The following ANO3 variants were observed in gnomAD, a reference collection of about 807,000 sequenced individuals.
The protein encoded by ANO3 is anoctamin-3.
Under a neutral mutation model 144.8 loss-of-function variants are expected in ANO3, and 99 were observed. The ratio of observed to expected loss-of-function variants is 0.68; its 90% CI spans 0.58 to 0.81. ANO3 has a LOEUF of 0.81. Among genes scored for constraint, ANO3 ranks in the 30% least tolerant of loss-of-function variants. ANO3 has a pLI of 0.00. For missense variants in ANO3, 905 were observed against 1,202.2 expected (o/e 0.75, Z 3.66); for synonymous variants, 414 against 392.6 (o/e 1.05, Z -0.64).
At chr11:26,581,356 T>TATA (rs1851125532) in intron 14 of ANO3, among the ~76,000 whole-genome samples, 1 of 151,432 alleles carries the variant, frequency 6.6e-6, no homozygotes, top group African/African-American at 2.4e-5. Flanking sequence ...TACATAAGTT[T>TATA]AGGATTAAAT....
At chr11:26,494,816 A>G (rs1262141023) in intron 4 of ANO3, among the ~76,000 whole-genome samples, 1 of 152,150 alleles carries the variant, frequency 6.6e-6, no homozygotes, top group African/African-American at 2.4e-5. Flanking sequence ...GAGCTCCAGG[A>G]GATCTATGAA....
At chr11:26,449,827 G>T (rs990241723) in intron 3 of ANO3, among the ~76,000 whole-genome samples, 1 of 151,812 alleles carries the variant, frequency 6.6e-6, no homozygotes, top group Non-Finnish European at 1.5e-5. Context: ...CACGATCTCG[G>T]CTCACTGCAA....
At chr11:26,459,074 A>T (rs1488435253) in intron 3 of ANO3, among the ~76,000 whole-genome samples, 1 of 152,134 alleles carries the variant, frequency 6.6e-6, no homozygotes. Flanking sequence ...ATCTGCAGAG[A>T]GACAAGCAAG....
intron 11 of ANO3, among the ~76,000 whole-genome samples, chr11:26,544,271 T>C (rs202067109): frequency 0.043 from 3,197 of 74,654 alleles, 169 homozygotes; most frequent in Admixed American, 0.12. Flanking sequence ...TATATATATA[T>C]ATACACACAT....
In ANO3 at chr11:26,661,995, T is replaced by C. The variant is rs1422623854; in HGVS notation, c.*1551T>C. 6.6e-6 allele frequency: 1 copy of C among 152,102 alleles called. No homozygotes were observed. The highest frequency in any genetic ancestry group is 1.5e-5 in the Non-Finnish European group (1 of 67,992). The allele number at this position is 152,102 out of a possible 1,614,324, so 9.4% of individuals were successfully genotyped here. ...AAGCAAAGCACCATTATTTCTAACA[T>C]ATAAAAGACCAGATCAAACACAATG... On this transcript the variant is annotated 3_prime_UTR_variant, in exon 27 of 27. Coordinates refer to ENST00000256737, the MANE Select transcript of ANO3 (RefSeq NM_031418.4).
At chr11:26,404,753 T>C (rs147237193) in intron 1 of ANO3, among the ~76,000 whole-genome samples, 1 of 151,760 alleles carries the variant, frequency 6.6e-6, no homozygotes, top group African/African-American at 2.4e-5. Flanking sequence ...GAGATAAAAA[T>C]CTATGTGGAG....
chr11:26,212,339 G>A (rs955312188), intron 1 of ANO3, among the ~76,000 whole-genome samples: 5 of 151,174 alleles, frequency 3.3e-5, no homozygotes, highest in African/African-American at 9.7e-5. Flanking sequence ...AAAAATCAAC[G>A]AATCCAGGAG....
intron 1 of ANO3, among the ~76,000 whole-genome samples, chr11:26,244,159 G>A (rs147682789): frequency 4.8e-5 from 7 of 144,996 alleles, no homozygotes; most frequent in Non-Finnish European, 7.6e-5. Context: ...GAAAAGAAAA[G>A]AAAAAATGAG....
intron 23 of ANO3, among the ~76,000 whole-genome samples, chr11:26,646,425 G>A (rs1337535615): frequency 6.6e-6 from 1 of 151,924 alleles, no homozygotes; most frequent in African/African-American, 2.4e-5. Flanking sequence ...CCAATAAGTA[G>A]GATTAAAATG....
intron 1 of ANO3, among the ~76,000 whole-genome samples, chr11:26,388,419 A>G (rs1187268547): frequency 6.6e-6 from 1 of 152,164 alleles, no homozygotes; most frequent in Non-Finnish European, 1.5e-5. Context: ...CACACAAAAT[A>G]GTTGGTATCA....
At chr11:26,589,996 G>A (rs1851397272) in intron 14 of ANO3, among the ~76,000 whole-genome samples, 2 of 152,302 alleles carry the variant, frequency 1.3e-5, no homozygotes, top group South Asian at 4.1e-4. Flanking sequence ...GCTGATAAGA[G>A]GATCTATAGA....
intron 3 of ANO3, among the ~76,000 whole-genome samples, chr11:26,461,932 C>G (rs936495699): frequency 1.1e-4 from 16 of 151,926 alleles, no homozygotes; most frequent in Admixed American, 3.3e-4. Context: ...GTTAATAGGT[C>G]TAAGTGTAAC....
chr11:26,616,799 G>A (rs1186170752), intron 17 of ANO3, among the ~76,000 whole-genome samples: 6 of 152,062 alleles, frequency 3.9e-5, no homozygotes, highest in Admixed American at 3.9e-4. Context: ...TTGAGATGGA[G>A]TCTCTCTCTG....
At chr11:26,382,669 G>A (rs940399392) in intron 1 of ANO3, among the ~76,000 whole-genome samples, 2 of 151,978 alleles carry the variant, frequency 1.3e-5, no homozygotes, top group Non-Finnish European at 2.9e-5. Flanking sequence ...CTGTCTGTTC[G>A]CAAGCTTACA....
intron 1 of ANO3, among the ~76,000 whole-genome samples, chr11:26,392,239 C>CTTTTT (rs33986969): frequency 9.2e-5 from 12 of 130,634 alleles, no homozygotes; most frequent in African/African-American, 3.4e-4. Context: ...GAATTCCTGC[C>CTTTTT]TTTTTTTTTT....
intron 4 of ANO3, among the ~76,000 whole-genome samples, chr11:26,499,199 T>C (rs1861089331): frequency 6.6e-6 from 1 of 151,948 alleles, no homozygotes. Context: ...AGCTTAATAA[T>C]TTATTGGTTG....
chr11:26,531,876 A>G (rs555244145), intron 8 of ANO3, among the ~76,000 whole-genome samples: 3 of 152,254 alleles, frequency 2.0e-5, no homozygotes, highest in Admixed American at 6.5e-5. Context: ...TTTTCATTCA[A>G]CTAGTATTTA....
chr11:26,321,641 A>G (rs1016294794), intron 1 of ANO3, among the ~76,000 whole-genome samples: 1 of 152,058 alleles, frequency 6.6e-6, no homozygotes, highest in Admixed American at 6.6e-5. Flanking sequence ...TCATCTGGCC[A>G]TGTGATTCTG....
At chr11:26,371,537 A>G (rs1856256935) in intron 1 of ANO3, among the ~76,000 whole-genome samples, 1 of 152,198 alleles carries the variant, frequency 6.6e-6, no homozygotes, top group South Asian at 2.1e-4. Flanking sequence ...AGATCCACCA[A>G]CAGCTTGCAC....
Sources: gnomAD v4.1 joint callset for allele counts (sites outside exome capture counted in the v4.1 genomes callset) on GRCh38, gnomAD v4.1.1 for gene constraint, MANE v1.5 for transcripts, NCBI Gene and HGNC (gene_info 2026-07-23, HGNC 2026-07-21) for gene names.